ADAM17: variants seen among roughly 807,000 people sequenced by gnomAD.
The protein encoded by ADAM17 is disintegrin and metalloproteinase domain-containing protein 17.
ADAM17 carries 39 observed loss-of-function variants against 96.7 expected under a neutral mutation model. That is an observed-to-expected ratio of 0.40 (90% confidence interval 0.31 to 0.53). ADAM17 has a LOEUF of 0.53. Among genes scored for constraint, ADAM17 ranks in the 20% least tolerant of loss-of-function variants. ADAM17 has a pLI of 0.44. For synonymous variants in ADAM17, 344 were observed against 359.2 expected (o/e 0.96, Z 0.48); for missense variants, 777 against 1,013.2 (o/e 0.77, Z 3.17).
intron 17 of ADAM17, among the ~76,000 whole-genome samples, chr2:9,492,516 AT>A (rs1244404550): frequency 1.3e-5 from 2 of 152,210 alleles, no homozygotes; most frequent in African/African-American, 4.8e-5. Flanking sequence ...TCTACATGAT[AT>A]ATGGGGAACA....
rs1392722480 is a variant in ADAM17 at position 9,520,464 on chromosome 2, A to G, written c.957+739T>C. 2.6e-5 allele frequency among the ~76,000 whole-genome samples: 4 copies of G among 152,206 alleles called. No individual in the cohort carries two copies. The East Asian group carries it at 5.8e-4, about 22-fold the overall frequency. On this transcript the variant is annotated intron_variant, in intron 8 of 18. Coordinates refer to ENST00000310823, the MANE Select transcript of ADAM17 (RefSeq NM_003183.6). Reference sequence around the variant, plus strand: ...TAGAGAACTTTCAGATCTCCAAGCTATATTTCTACTCTCCAATACATGTTC... The same window carrying G: ...TAGAGAACTTTCAGATCTCCAAGCTGTATTTCTACTCTCCAATACATGTTC...
chr2:9,542,814 C>A (rs1408998286), intron 2 of ADAM17, among the ~76,000 whole-genome samples: 1 of 152,164 alleles, frequency 6.6e-6, no homozygotes, highest in Non-Finnish European at 1.5e-5. Context: ...TCTCCTGCCT[C>A]AGCCTCCCAA....
rs114574091 is a variant in ADAM17 at position 9,515,097 on chromosome 2, T to C, written c.1191+2804A>G. Among the ~76,000 whole-genome samples, 387 of 152,310 alleles carry C rather than the reference T, an allele frequency of 2.5e-3. 1 individual carries two copies. Among genetic ancestry groups the C allele is most frequent in the African/African-American group, 6.5e-3 (272 of 41,578 alleles). ...TGTATATTCTATGTGTTTCAACAAA[T>C]GCATAATGTCTTATACTGACTGTTG... On this transcript the variant is annotated intron_variant, in intron 10 of 18. Coordinates refer to ENST00000310823, the MANE Select transcript of ADAM17 (RefSeq NM_003183.6).
chr2:9,489,887 T>TCATAACCCAAAAACGTAAATAC lies in ADAM17; in HGVS notation c.*289_*290insGTATTTACGTTTTTGGGTTATG, dbSNP rs1661968989. ...AGATTAATTTACAAAAACGTAAATATTCATAACCCAATCCAGCTGTATTTT... is the reference window on the plus strand; with the variant it reads ...AGATTAATTTACAAAAACGTAAATATCATAACCCAAAAACGTAAATACTCATAACCCAATCCAGCTGTATTTT... On this transcript the variant is annotated 3_prime_UTR_variant, in exon 19 of 19. Coordinates refer to ENST00000310823, the MANE Select transcript of ADAM17 (RefSeq NM_003183.6). 2 of 313,746 alleles carry TCATAACCCAAAAACGTAAATAC rather than the reference T, an allele frequency of 6.4e-6. No homozygotes were observed. The highest frequency in any genetic ancestry group is 1.2e-5 in the Non-Finnish European group (2 of 169,116). The allele number at this position is 313,746 out of a possible 1,614,324, so 19.4% of individuals were successfully genotyped here.
At chr2:9,530,063 A>G (rs1192126311) in intron 4 of ADAM17, among the ~76,000 whole-genome samples, 3 of 152,212 alleles carry the variant, frequency 2.0e-5, no homozygotes, top group African/African-American at 7.2e-5. Flanking sequence ...TAAAACTGTT[A>G]AATATTATAT....
intron 14 of ADAM17, 148 bp from the exon 15 acceptor site, chr2:9,494,915 A>G (rs1406842510): frequency 1.1e-6 from 1 of 919,462 alleles, no homozygotes; most frequent in Non-Finnish European, 1.6e-6. Flanking sequence ...CATAGCCCCC[A>G]CCAAGGAGTA....
In ADAM17 at chr2:9,555,486, A is replaced by G. The variant is rs767119092; in HGVS notation, c.97+23T>C. ...AACGAGCGCTCCAGGCGCCGGCCTA[A>G]GCCAACTCCCCTGGGTCTTTACCGA... On this transcript the variant is annotated intron_variant, in intron 1 of 18. Coordinates refer to ENST00000310823, the MANE Select transcript of ADAM17 (RefSeq NM_003183.6). 2.9e-5 allele frequency: 45 copies of G among 1,554,364 alleles called. No individual in the cohort carries two copies. The Admixed American group carries it at 8.1e-4, about 28-fold the overall frequency.
At chr2:9,520,781 T>C (rs1213503110) in intron 8 of ADAM17, among the ~76,000 whole-genome samples, 1 of 151,730 alleles carries the variant, frequency 6.6e-6, no homozygotes, top group African/African-American at 2.4e-5. Flanking sequence ...CTGACCAACA[T>C]GGAGAAACCC....
intron 14 of ADAM17, among the ~76,000 whole-genome samples, chr2:9,496,013 T>G (rs180957958): frequency 6.6e-6 from 1 of 152,156 alleles, no homozygotes; most frequent in African/African-American, 2.4e-5. Flanking sequence ...CTTCTTTACC[T>G]ACACATTATT....
intron 4 of ADAM17, among the ~76,000 whole-genome samples, chr2:9,535,254 AAC>A (rs1434140889): frequency 2.0e-5 from 3 of 152,208 alleles, no homozygotes; most frequent in Non-Finnish European, 4.4e-5. Context: ...TTTTTCAGGA[AAC>A]ACAGAATCAA....
intron 14 of ADAM17, chr2:9,494,984 A>G: frequency 2.4e-6 from 1 of 419,140 alleles, no homozygotes; most frequent in Non-Finnish European, 4.2e-6. Flanking sequence ...TTAAAAAAAA[A>G]TGCAGAGAAA....
At position 9,493,769 on chromosome 2, in the gene ADAM17, G is replaced by A. The variant is rs1662345384; in HGVS notation, c.1971C>T (p.Asp657=). ...TACCAAAAGTATTGATGCTCAGCTG[G>A]TCAATGAAATCCCAAAATCGTTCAA... is the stretch of plus-strand genomic sequence containing the variant. ...DVIERFWDFI[D]QLSINTFGKF... is the part of the protein sequence containing the mutation. Residue 657 remains aspartate, a synonymous_variant, in exon 16 of 19, where the codon GAC becomes GAT. Coordinates refer to ENST00000310823, the MANE Select transcript of ADAM17 (RefSeq NM_003183.6). 1.9e-6 allele frequency: 3 copies of A among 1,613,976 alleles called. No individual in the cohort carries two copies. The highest frequency in any genetic ancestry group is 1.7e-6 in the Non-Finnish European group (2 of 1,179,944).
chr2:9,497,476 C>T (rs772599498), intron 13 of ADAM17, among the ~76,000 whole-genome samples: 2 of 152,170 alleles, frequency 1.3e-5, no homozygotes, highest in Non-Finnish European at 1.5e-5. Flanking sequence ...CTCCCAAGCC[C>T]CAGTTAGAAT....
chr2:9,488,562 C>T lies in ADAM17; in HGVS notation c.*1615G>A, dbSNP rs569371311. 11 of 351,294 alleles carry T rather than the reference C, an allele frequency of 3.1e-5. No homozygotes were observed. Among genetic ancestry groups the T allele is most frequent in the Admixed American group, 2.7e-4 (6 of 22,040 alleles). 21.8% of individuals were successfully genotyped at this position (351,294 alleles called of 1,614,324 possible). On this transcript the variant is annotated 3_prime_UTR_variant, in exon 19 of 19. Transcript: ENST00000310823. ...ATATACCCTGAGCAGCTTGTTAATT[C>T]TATAAATGACAAAGACTATGTTTTT...
intron 13 of ADAM17, among the ~76,000 whole-genome samples, chr2:9,497,503 T>C (rs536418945): frequency 2.4e-4 from 37 of 152,340 alleles, no homozygotes; most frequent in Middle Eastern, 3.4e-3. Context: ...TCTCCACTTC[T>C]GCATCTCACA....
At chr2:9,551,161 A>T (rs1027075087) in intron 1 of ADAM17, among the ~76,000 whole-genome samples, 2 of 151,568 alleles carry the variant, frequency 1.3e-5, no homozygotes, top group African/African-American at 4.8e-5. Flanking sequence ...GAACAAGTCC[A>T]GGTCAGAGAT....
rs1558517331 is a variant in ADAM17 at position 9,527,904 on chromosome 2, A to G, written c.501T>C (p.Tyr167=). ...NDTKDKRMLV[Y]KSEDIKNVSR... ...AAACATTCTTGATATCTTCAGATTT[A>G]TAAACTAACATTCTTTTGTCTTTGG... is the stretch of plus-strand genomic sequence containing the variant. The change falls in exon 5 of 19, where the codon TAT becomes TAC. Residue 167 remains tyrosine, a synonymous_variant. Transcript: ENST00000310823. 1.3e-6 allele frequency: 2 copies of G among 1,591,880 alleles called. No homozygotes were observed. The highest frequency in any genetic ancestry group is 1.7e-6 in the Non-Finnish European group (2 of 1,168,280).
Position 9,536,804 on chromosome 2 carries a change from T to C in ADAM17, c.255A>G (p.Ser85=), listed in dbSNP as rs1270237828. 3 of 1,613,910 alleles carry C rather than the reference T, an allele frequency of 1.9e-6. No homozygotes were observed. The highest frequency in any genetic ancestry group is 3.3e-5 in the Admixed American group (2 of 60,000). ...LKRHFKLYLT[S]STERFSQNFK... is the part of the protein sequence containing the mutation. ...AATTTTGTGAAAAACGTTCAGTACT[T>C]GATGTCAGGTATAATTTAAAATGCC... is the stretch of plus-strand genomic sequence containing the variant. The change falls in exon 3 of 19, where the codon TCA becomes TCG. Residue 85 remains serine (S), a synonymous_variant. Coordinates refer to ENST00000310823, the MANE Select transcript of ADAM17 (RefSeq NM_003183.6).
At chr2:9,514,172 G>A (rs1405713752) in intron 10 of ADAM17, among the ~76,000 whole-genome samples, 2 of 151,802 alleles carry the variant, frequency 1.3e-5, no homozygotes, top group Non-Finnish European at 2.9e-5. Flanking sequence ...GGAATACTAT[G>A]CAGCCATAAA....
Sources: gnomAD v4.1 joint callset for allele counts (sites outside exome capture counted in the v4.1 genomes callset) on GRCh38, gnomAD v4.1.1 for gene constraint, MANE v1.5 for transcripts, NCBI Gene and HGNC (gene_info 2026-07-23, HGNC 2026-07-21) for gene names.